Variants in PARD3 observed in about 807,000 individuals in gnomAD.
The protein encoded by PARD3 is partitioning defective 3 homolog.
A neutral mutation model predicts 155.4 loss-of-function variants in PARD3; 75 were observed. The ratio of observed to expected loss-of-function variants is 0.48; its 90% CI spans 0.40 to 0.58. The LOEUF is 0.58. Among genes scored for constraint, PARD3 ranks in the 20% least tolerant of loss-of-function variants. PARD3 has a pLI of 0.00. For synonymous variants in PARD3, 576 were observed against 610.5 expected (o/e 0.94, Z 0.83); for missense variants, 1,642 against 1,721.7 (o/e 0.95, Z 0.82).
At chr10:34,383,931 T>C (rs148490464) in intron 8 of PARD3, among the ~76,000 whole-genome samples, 198 bp downstream of exon 8, 1 of 152,302 alleles carries the variant, frequency 6.6e-6, no homozygotes, top group Non-Finnish European at 1.5e-5. Context: ...AAGAGCTATA[T>C]CCATCAGAGG....
At chr10:34,799,017 C>T (rs1026093133) in intron 1 of PARD3, among the ~76,000 whole-genome samples, 5 of 152,122 alleles carry the variant, frequency 3.3e-5, no homozygotes, top group African/African-American at 1.2e-4. Flanking sequence ...GCTTAGGTAT[C>T]AACATTCTAA....
At chr10:34,534,128 T>C (rs2083053704) in intron 2 of PARD3, among the ~76,000 whole-genome samples, 1 of 151,722 alleles carries the variant, frequency 6.6e-6, no homozygotes, top group African/African-American at 2.4e-5. Context: ...TAGCCGGGCA[T>C]GGTGGCGGGC....
At chr10:34,363,829 G>A (rs1839696926) in intron 12 of PARD3, among the ~76,000 whole-genome samples, 1 of 152,138 alleles carries the variant, frequency 6.6e-6, no homozygotes. Context: ...ATTGTTTTCA[G>A]CAACAAAGCC....
intron 22 of PARD3, among the ~76,000 whole-genome samples, chr10:34,145,362 A>C (rs987024301): frequency 6.0e-5 from 9 of 150,736 alleles, no homozygotes; most frequent in Non-Finnish European, 1.3e-4. Flanking sequence ...GTTCTGGAAA[A>C]GATTCTTGTG....
At chr10:34,384,097 T>C (rs1275353134) in intron 8 of PARD3, 32 bp downstream of exon 8, 1 of 1,605,644 alleles carries the variant, frequency 6.2e-7, no homozygotes, top group Admixed American at 1.7e-5. Context: ...CTAATGCAAG[T>C]AAGAACAGAA....
chr10:34,382,056 A>G (rs971609449), intron 9 of PARD3, among the ~76,000 whole-genome samples: 1 of 152,104 alleles, frequency 6.6e-6, no homozygotes, highest in Non-Finnish European at 1.5e-5. Flanking sequence ...AACCTACTAT[A>G]AACTCCTGGC....
At chr10:34,393,002 G>C (rs755967163) in intron 7 of PARD3, among the ~76,000 whole-genome samples, 11 of 151,794 alleles carry the variant, frequency 7.2e-5, no homozygotes, top group Middle Eastern at 3.2e-3. Flanking sequence ...TTTATATCTT[G>C]TCAATGGTTG....
intron 2 of PARD3, among the ~76,000 whole-genome samples, chr10:34,632,832 T>C (rs1235726488): frequency 1.3e-5 from 2 of 152,206 alleles, no homozygotes; most frequent in Non-Finnish European, 2.9e-5. Context: ...CAATTATCAT[T>C]CCGATTGTGA....
At chr10:34,809,588 A>C (rs533050530) in intron 1 of PARD3, among the ~76,000 whole-genome samples, 2 of 152,208 alleles carry the variant, frequency 1.3e-5, no homozygotes, top group Non-Finnish European at 2.9e-5. Context: ...GCCAGAACAG[A>C]GGCAGCAAAG....
At chr10:34,573,726 AAC>A (rs1213488305) in intron 2 of PARD3, among the ~76,000 whole-genome samples, 7 of 97,660 alleles carry the variant, frequency 7.2e-5, no homozygotes, top group East Asian at 5.8e-4. Flanking sequence ...CAAACAAACA[AAC>A]AAACAAAAAC....
chr10:34,421,577 T>C (rs917636455), intron 5 of PARD3, among the ~76,000 whole-genome samples: 4 of 152,124 alleles, frequency 2.6e-5, no homozygotes, highest in African/African-American at 7.2e-5. Context: ...CTAAAAGCCA[T>C]GAACTCTTTT....
At chr10:34,621,915 G>C (rs2091702058) in intron 2 of PARD3, among the ~76,000 whole-genome samples, 1 of 152,140 alleles carries the variant, frequency 6.6e-6, no homozygotes, top group African/African-American at 2.4e-5. Flanking sequence ...GGTGCTCAGA[G>C]GTTGTAACAG....
At chr10:34,306,949 C>T in intron 20 of PARD3, among the ~76,000 whole-genome samples, 1 of 151,992 alleles carries the variant, frequency 6.6e-6, no homozygotes, top group Non-Finnish European at 1.5e-5. Context: ...TGCAGTGACG[C>T]CATCTTGGCT....
chr10:34,317,751 TG>T (rs1401044491), intron 19 of PARD3, among the ~76,000 whole-genome samples: 19 of 152,222 alleles, frequency 1.2e-4, no homozygotes, highest in African/African-American at 4.6e-4. Context: ...CCTTTCTTCT[TG>T]GGTAAGAATA....
intron 5 of PARD3, among the ~76,000 whole-genome samples, chr10:34,448,852 G>C (rs1416650973): frequency 2.7e-5 from 4 of 150,768 alleles, no homozygotes; most frequent in Non-Finnish European, 1.5e-5. Flanking sequence ...CAACAGAATA[G>C]ATCTCAAGTG....
intron 2 of PARD3, among the ~76,000 whole-genome samples, chr10:34,671,762 T>C (rs79821580): frequency 0.012 from 1,837 of 152,318 alleles, 36 homozygotes; most frequent in African/African-American, 0.042. Context: ...CAGCATTAAC[T>C]GTACAATCTG....
chr10:34,369,200 A>G (rs1297264160), intron 12 of PARD3, among the ~76,000 whole-genome samples: 1 of 152,144 alleles, frequency 6.6e-6, no homozygotes, highest in Non-Finnish European at 1.5e-5. Flanking sequence ...AGCTTGTCCA[A>G]CCTGAGATCT....
At chr10:34,252,800 A>G (rs1954403078) in intron 22 of PARD3, among the ~76,000 whole-genome samples, 1 of 152,108 alleles carries the variant, frequency 6.6e-6, no homozygotes, top group Non-Finnish European at 1.5e-5. Context: ...CACATTTTCA[A>G]GAACGGACTA....
chr10:34,439,695 AAT>A (rs1438122764), intron 5 of PARD3, among the ~76,000 whole-genome samples: 1 of 151,970 alleles, frequency 6.6e-6, no homozygotes, highest in Non-Finnish European at 1.5e-5. Context: ...GACCTCAAGT[AAT>A]CCACCTGCCT....
Sources: gnomAD v4.1 joint callset for allele counts (sites outside exome capture counted in the v4.1 genomes callset) on GRCh38, gnomAD v4.1.1 for gene constraint, MANE v1.5 for transcripts, NCBI Gene and HGNC (gene_info 2026-07-23, HGNC 2026-07-21) for gene names.